GRID2: variants seen among roughly 807,000 people sequenced by gnomAD.
GRID2 encodes the protein glutamate ionotropic receptor delta type subunit 2.
A neutral mutation model predicts 114.8 loss-of-function variants in GRID2; 33 were observed. That is an observed-to-expected ratio of 0.29 (90% CI 0.22 to 0.38). The LOEUF (loss-of-function observed/expected upper bound fraction) is 0.38. Among genes scored for constraint, GRID2 ranks in the 10% least tolerant of loss-of-function variants. The pLI, the probability that GRID2 is intolerant of heterozygous loss-of-function variation, is 1.00. For synonymous variants in GRID2, 505 were observed against 449.9 expected (o/e 1.12, Z -1.55); for missense variants, 1,184 against 1,257.7 (o/e 0.94, Z 0.89).
rs531961598 is a variant in GRID2, at chr4:93,410,069, T to C, written c.1348-12702T>C. On this transcript the variant is annotated intron_variant, in intron 9 of 15. Transcript: ENST00000282020. Reference sequence around the variant, plus strand: ...AACTCAAGTTATGTGAACTATATTATATACTTTTACATTATTTATCTACCC... The same window carrying C: ...AACTCAAGTTATGTGAACTATATTACATACTTTTACATTATTTATCTACCC... Among the ~76,000 whole-genome samples the C allele has an allele frequency of 5.3e-5, 8 of 152,298 alleles. No homozygotes were observed. The East Asian group carries it at 1.5e-3, about 29-fold the overall frequency.
At chr4:92,874,400 T>A (rs1422703842) in intron 2 of GRID2, among the ~76,000 whole-genome samples, 1 of 152,240 alleles carries the variant, frequency 6.6e-6, no homozygotes, top group African/African-American at 2.4e-5. Flanking sequence ...CATTAGCCTT[T>A]AGTTCATTTT....
intron 1 of GRID2, among the ~76,000 whole-genome samples, chr4:92,565,684 T>A (rs1256937549): frequency 1.3e-5 from 2 of 151,976 alleles, no homozygotes; most frequent in Admixed American, 6.6e-5. Flanking sequence ...CTGGCATATG[T>A]ACATACTCCT....
intron 1 of GRID2, among the ~76,000 whole-genome samples, chr4:93,787,319 C>T (rs920086548): frequency 1.3e-5 from 2 of 151,848 alleles, no homozygotes; most frequent in Non-Finnish European, 2.9e-5. Flanking sequence ...ATAATCTAAG[C>T]ATGAAGAAAT....
At chr4:92,966,684 C>T (rs1390885308) in intron 2 of GRID2, among the ~76,000 whole-genome samples, 1 of 151,854 alleles carries the variant, frequency 6.6e-6, no homozygotes, top group Non-Finnish European at 1.5e-5. Context: ...TAAGACATGT[C>T]TTTTTCTTTC....
chr4:93,285,006 T>A (rs931984036), intron 8 of GRID2, among the ~76,000 whole-genome samples: 24 of 152,116 alleles, frequency 1.6e-4, no homozygotes, highest in African/African-American at 5.5e-4. Flanking sequence ...ATGTTGGAAT[T>A]TTTTAATTTT....
At chr4:92,994,590 C>T (rs943747072) in intron 2 of GRID2, among the ~76,000 whole-genome samples, 6 of 152,122 alleles carry the variant, frequency 3.9e-5, no homozygotes, top group African/African-American at 1.4e-4. Context: ...TCCCAAAGTG[C>T]TGAGATTACA....
In GRID2 at chr4:92,622,449, A is replaced by G. The variant is rs542089765; in HGVS notation, c.244+32163A>G. 1.2e-4 allele frequency among the ~76,000 whole-genome samples: 18 copies of G among 151,814 alleles called. No individual in the cohort carries two copies. In the East Asian group the frequency reaches 3.5e-3, roughly 30 times the overall value. Reference sequence around the variant, plus strand: ...TATGTTAAGGAGATTTTAGGAGGATATTTTAAGAGATTTGGTAATATTTCT... The same window carrying G: ...TATGTTAAGGAGATTTTAGGAGGATGTTTTAAGAGATTTGGTAATATTTCT... On this transcript the variant is annotated intron_variant, in intron 2 of 15. Coordinates refer to ENST00000282020, the MANE Select transcript of GRID2 (RefSeq NM_001510.4).
chr4:92,501,685 G>A (rs1723690609), intron 1 of GRID2, among the ~76,000 whole-genome samples: 1 of 152,120 alleles, frequency 6.6e-6, no homozygotes, highest in South Asian at 2.1e-4. Context: ...GTATGACCTG[G>A]TTGCTTAGCA....
chr4:92,558,732 A>T (rs539281616), intron 1 of GRID2, among the ~76,000 whole-genome samples: 3 of 152,300 alleles, frequency 2.0e-5, no homozygotes, highest in African/African-American at 7.2e-5. Context: ...CCACTAGATC[A>T]TGCTTCGCAA....
intron 8 of GRID2, among the ~76,000 whole-genome samples, chr4:93,329,341 C>G (rs1758188449): frequency 6.6e-6 from 1 of 152,084 alleles, no homozygotes; most frequent in African/African-American, 2.4e-5. Context: ...CACCCTTAGT[C>G]TATAGTATTT....
chr4:93,037,814 A>C (rs1427485365), intron 2 of GRID2, among the ~76,000 whole-genome samples: 1 of 152,170 alleles, frequency 6.6e-6, no homozygotes, highest in Non-Finnish European at 1.5e-5. Flanking sequence ...TTTTGGTACC[A>C]GTACCGTGCT....
chr4:93,145,487 G>A (rs1052403913), intron 4 of GRID2, among the ~76,000 whole-genome samples: 1 of 139,416 alleles, frequency 7.2e-6, no homozygotes, highest in African/African-American at 2.8e-5. Flanking sequence ...TTTTGAGACA[G>A]TTTCACTCTT....
chr4:92,581,315 A>G (rs995345235), intron 1 of GRID2, among the ~76,000 whole-genome samples: 4 of 151,874 alleles, frequency 2.6e-5, no homozygotes, highest in African/African-American at 9.7e-5. Context: ...AAATGCATAA[A>G]CTATTCTGAG....
At chr4:93,529,621 G>A (rs1431782529) in intron 13 of GRID2, among the ~76,000 whole-genome samples, 2 of 152,124 alleles carry the variant, frequency 1.3e-5, no homozygotes, top group African/African-American at 4.8e-5. Context: ...GGCTTCGGGT[G>A]CATCAAAGTA....
At chr4:93,473,106 T>G (rs761521517) in intron 11 of GRID2, among the ~76,000 whole-genome samples, 1 of 152,204 alleles carries the variant, frequency 6.6e-6, no homozygotes, top group Non-Finnish European at 1.5e-5. Context: ...AACTATTTTT[T>G]CCTGTAACAT....
At chr4:92,400,343 A>G (rs544505042) in intron 1 of GRID2, among the ~76,000 whole-genome samples, 43 of 152,268 alleles carry the variant, frequency 2.8e-4, no homozygotes, top group African/African-American at 1.0e-3. Context: ...ATTTAACACA[A>G]ATAGAATCAT....
chr4:93,512,484 G>C lies in GRID2; in HGVS notation c.1998-2732G>C, dbSNP rs776829202. ...AAGCTATTTGTGTTCACTTCATTTT[G>C]CTTCAGTCGTTTTATTTTTGTCATC... On this transcript the variant is annotated intron_variant, in intron 12 of 15. Coordinates refer to ENST00000282020, the MANE Select transcript of GRID2 (RefSeq NM_001510.4). Among the ~76,000 whole-genome samples, 52 of 151,982 alleles carry C rather than the reference G, an allele frequency of 3.4e-4. 1 individual carries two copies. The highest frequency in any genetic ancestry group is 1.4e-3 in the Admixed American group (22 of 15,248).
In GRID2 at chr4:93,128,027, C is replaced by CAAAAAAAAAAAAAA. The variant is rs1008311457; in HGVS notation, c.735+17093_735+17106dup. Reference sequence around the variant, plus strand: ...CAGAGTAAGACCTTGTCCCCCGCAACAAAAAAAAAAAAAAAAAAAAAAAAA... The same window carrying CAAAAAAAAAAAAAA: ...CAGAGTAAGACCTTGTCCCCCGCAACAAAAAAAAAAAAAAAAAAAAAAAAAAAAAAAAAAAAAAA... On this transcript the variant is annotated intron_variant, in intron 4 of 15. Coordinates refer to ENST00000282020, the MANE Select transcript of GRID2 (RefSeq NM_001510.4). Among the ~76,000 whole-genome samples the CAAAAAAAAAAAAAA allele has an allele frequency of 2.8e-3, 57 of 20,332 alleles. 9 individuals are homozygous for CAAAAAAAAAAAAAA. Among genetic ancestry groups the CAAAAAAAAAAAAAA allele is most frequent in the African/African-American group, 8.4e-3 (50 of 5,954 alleles). 13.3% of individuals were successfully genotyped at this position (20,332 alleles called of 152,430 possible).
intron 2 of GRID2, among the ~76,000 whole-genome samples, chr4:92,759,058 A>G (rs1737862066): frequency 6.6e-6 from 1 of 152,188 alleles, no homozygotes; most frequent in South Asian, 2.1e-4. Flanking sequence ...ATGTCCACAA[A>G]TAAAAGTAAA....
Sources: gnomAD v4.1 joint callset for allele counts (sites outside exome capture counted in the v4.1 genomes callset) on GRCh38, gnomAD v4.1.1 for gene constraint, MANE v1.5 for transcripts, NCBI Gene and HGNC (gene_info 2026-07-23, HGNC 2026-07-21) for gene names.